The following GNAQ variants were observed in gnomAD, a reference collection of about 807,000 sequenced individuals.
The protein encoded by GNAQ is G protein subunit alpha q, also known as guanine nucleotide-binding protein G(q) subunit alpha.
Under a neutral mutation model 43.9 loss-of-function variants are expected in GNAQ, and 8 were observed. The observed-to-expected ratio is 0.18, with a 90% confidence interval of 0.11 to 0.33. GNAQ has a LOEUF of 0.33. GNAQ is among the 10% of genes least tolerant of loss of function. The pLI, the probability that GNAQ is intolerant of heterozygous loss-of-function variation, is 1.00. For synonymous variants in GNAQ, 155 were observed against 170.7 expected (o/e 0.91, Z 0.71); for missense variants, 158 against 450.8 (o/e 0.35, Z 5.88).
At chr9:77,915,592 G>C (rs1828887550) in intron 2 of GNAQ, among the ~76,000 whole-genome samples, 1 of 145,642 alleles carries the variant, frequency 6.9e-6, no homozygotes, top group Non-Finnish European at 1.5e-5. Flanking sequence ...ATTACTATTT[G>C]TCACAGATGG....
At chr9:77,973,707 A>T (rs1040834403) in intron 1 of GNAQ, among the ~76,000 whole-genome samples, 2 of 152,072 alleles carry the variant, frequency 1.3e-5, no homozygotes, top group African/African-American at 4.8e-5. Context: ...ATCTTTAGCC[A>T]CTTGGGAGCC....
In GNAQ at chr9:77,719,704, C is replaced by T. The variant is rs1283516512; in HGVS notation, c.*1619G>A. 4.3e-6 allele frequency: 1 copy of T among 232,750 alleles called. No individual in the cohort carries two copies. Among genetic ancestry groups the T allele is most frequent in the Non-Finnish European group, 8.5e-6 (1 of 117,816 alleles). The allele number at this position is 232,750 out of a possible 1,614,324, so 14.4% of individuals were successfully genotyped here. A position where few individuals can be genotyped will look rare whatever the true frequency, so the allele number is the denominator to read the frequency against. On this transcript the variant is annotated 3_prime_UTR_variant, in exon 7 of 7. Transcript: ENST00000286548. The stretch of plus-strand genomic sequence containing the variant: ...TTCTTAAATCAAATTTCAACTCAAG[C>T]TGCTTGACAGAAGCTTGTCAATACA...
intron 2 of GNAQ, among the ~76,000 whole-genome samples, chr9:77,853,630 T>C (rs1283331861): frequency 1.3e-5 from 2 of 152,034 alleles, no homozygotes; most frequent in African/African-American, 4.8e-5. Flanking sequence ...AAATCTTAAC[T>C]GGCAGTGTGA....
At chr9:78,003,624 G>T (rs2118558341) in intron 1 of GNAQ, among the ~76,000 whole-genome samples, 1 of 152,130 alleles carries the variant, frequency 6.6e-6, no homozygotes, top group South Asian at 2.1e-4. Flanking sequence ...AGACCAGCCT[G>T]GGCAACATGG....
At chr9:77,960,310 G>C (rs1275430230) in intron 1 of GNAQ, among the ~76,000 whole-genome samples, 2 of 152,222 alleles carry the variant, frequency 1.3e-5, no homozygotes, top group Non-Finnish European at 2.9e-5. Context: ...AGGAGGCAGA[G>C]GGAGTGAGGA....
chr9:77,769,926 A>C (rs564904450), intron 5 of GNAQ, among the ~76,000 whole-genome samples: 1 of 152,054 alleles, frequency 6.6e-6, no homozygotes, highest in South Asian at 2.1e-4. Flanking sequence ...TCTGCCTCCC[A>C]AAGTGCTGGG....
chr9:78,024,649 G>A (rs1174468242), intron 1 of GNAQ, among the ~76,000 whole-genome samples: 1 of 152,210 alleles, frequency 6.6e-6, no homozygotes, highest in Non-Finnish European at 1.5e-5. Context: ...GATAAAGTCA[G>A]AAGGGCATGT....
chr9:77,867,517 T>G (rs2118012008), intron 2 of GNAQ, among the ~76,000 whole-genome samples: 1 of 152,294 alleles, frequency 6.6e-6, no homozygotes, highest in South Asian at 2.1e-4. Context: ...AAGTGATTGA[T>G]TTAAAATTTT....
At chr9:78,027,867 A>C (rs773917378) in intron 1 of GNAQ, among the ~76,000 whole-genome samples, 10 of 152,184 alleles carry the variant, frequency 6.6e-5, no homozygotes, top group Non-Finnish European at 1.5e-4. Context: ...AAAGAGTAAA[A>C]GACTTCAAAA....
intron 1 of GNAQ, among the ~76,000 whole-genome samples, chr9:77,977,999 A>G (rs1179145893): frequency 2.6e-5 from 4 of 152,146 alleles, no homozygotes; most frequent in African/African-American, 9.7e-5. Flanking sequence ...TATTCCTGAC[A>G]CTGTACATCT....
intron 1 of GNAQ, among the ~76,000 whole-genome samples, chr9:77,992,528 A>AT (rs1474303019): frequency 6.6e-6 from 1 of 152,182 alleles, no homozygotes; most frequent in Non-Finnish European, 1.5e-5. Flanking sequence ...ACCCAAAAGT[A>AT]TAAAAAAAAA....
chr9:77,784,834 A>G (rs1358816552), intron 5 of GNAQ, among the ~76,000 whole-genome samples: 3 of 152,242 alleles, frequency 2.0e-5, no homozygotes, highest in Admixed American at 2.0e-4. Context: ...AATATTTCCC[A>G]TGGCAAAGTA....
intron 5 of GNAQ, among the ~76,000 whole-genome samples, chr9:77,738,232 T>C (rs1336948905): frequency 6.6e-6 from 1 of 152,200 alleles, no homozygotes; most frequent in Non-Finnish European, 1.5e-5. Context: ...GCAAGAGTGC[T>C]TTCCAATTCA....
chr9:77,841,220 C>T (rs1827485132), intron 2 of GNAQ, among the ~76,000 whole-genome samples: 1 of 152,124 alleles, frequency 6.6e-6, no homozygotes, highest in Non-Finnish European at 1.5e-5. Context: ...AAAGAAAACT[C>T]CGAATGTATA....
chr9:77,754,636 T>G (rs1825869892), intron 5 of GNAQ, among the ~76,000 whole-genome samples: 1 of 152,174 alleles, frequency 6.6e-6, no homozygotes, highest in Non-Finnish European at 1.5e-5. Context: ...GTAAGTGTTC[T>G]GCACAGGAGC....
At chr9:78,003,613 A>C (rs1321933934) in intron 1 of GNAQ, among the ~76,000 whole-genome samples, 1 of 152,084 alleles carries the variant, frequency 6.6e-6, no homozygotes, top group African/African-American at 2.4e-5. Context: ...CCTGGAGTTC[A>C]AGACCAGCCT....
intron 1 of GNAQ, among the ~76,000 whole-genome samples, chr9:77,940,827 C>G (rs888119555): frequency 5.9e-5 from 9 of 151,818 alleles, no homozygotes; most frequent in Non-Finnish European, 1.2e-4. Context: ...ATTAGCCGGG[C>G]GTGGTGGCAG....
chr9:77,976,005 GATACTACAA>G (rs1455608791), intron 1 of GNAQ, among the ~76,000 whole-genome samples: 1 of 152,150 alleles, frequency 6.6e-6, no homozygotes. Context: ...TTGTTTTAAA[GATACTACAA>G]GTGGTATAAC....
chr9:77,909,848 T>C (rs1828770478), intron 2 of GNAQ, among the ~76,000 whole-genome samples: 1 of 152,118 alleles, frequency 6.6e-6, no homozygotes, highest in South Asian at 2.1e-4. Context: ...ACTGCAGCTA[T>C]TAATGAAGAG....
Sources: gnomAD v4.1 joint callset for allele counts (sites outside exome capture counted in the v4.1 genomes callset) on GRCh38, gnomAD v4.1.1 for gene constraint, MANE v1.5 for transcripts, NCBI Gene and HGNC (gene_info 2026-07-23, HGNC 2026-07-21) for gene names.